The following OR10A6 variants were observed in gnomAD, a reference collection of about 807,000 sequenced individuals.
OR10A6 encodes olfactory receptor family 10 subfamily A member 6 (gene/pseudogene), also known as olfactory receptor 10A6.
Under a neutral mutation model 1.5 loss-of-function variants are expected in OR10A6, and 2 were observed. That is an observed-to-expected ratio of 1.31 (90% CI 0.54 to 4.13). The LOEUF is 4.13. Among genes scored for constraint, OR10A6 ranks in the 30% most tolerant of loss-of-function variants. The pLI, the probability that OR10A6 is intolerant of heterozygous loss-of-function variation, is 0.07. For synonymous variants in OR10A6, 169 were observed against 137.3 expected (o/e 1.23, Z -1.61); for missense variants, 492 against 368.6 (o/e 1.33, Z -2.74).
chr11:7,929,242 A>G lies in OR10A6; in HGVS notation c.-580T>C, dbSNP rs1027499700. Reference sequence around the variant, plus strand: ...AACATAGAGGGGATTTGAATTTTCAACACAACCATATTAGGTGACCTATAG... The same window carrying G: ...AACATAGAGGGGATTTGAATTTTCAGCACAACCATATTAGGTGACCTATAG... On this transcript the variant is annotated 5_prime_UTR_variant, in exon 4 of 4. Coordinates refer to ENST00000641238, the MANE Select transcript of OR10A6 (RefSeq NM_001004461.2). The G allele has an allele frequency of 1.3e-5, 2 of 152,168 alleles. No individual in the cohort carries two copies. Among genetic ancestry groups the G allele is most frequent in the Non-Finnish European group, 2.9e-5 (2 of 68,048 alleles). The allele number at this position is 152,168 out of a possible 1,614,324, so 9.4% of individuals were successfully genotyped here.
In OR10A6 at chr11:7,927,727, G is replaced by A; in HGVS notation, c.936C>T (p.His312=). The change falls in exon 4 of 4, where the codon CAC becomes CAT. Residue 312 remains histidine (H), a synonymous_variant. Transcript: ENST00000641238. Reference sequence around the variant, plus strand: ...TGGCTTCTCAACACAGTCAGATTGTGTGTAAAACCACTCGCCTTCGCCATA... The same window carrying A: ...TGGCTTCTCAACACAGTCAGATTGTATGTAAAACCACTCGCCTTCGCCATA... ...MKLWRRRVVL[H]TI 6.2e-7 allele frequency: 1 copy of A among 1,609,416 alleles called. No homozygotes were observed. The highest frequency in any genetic ancestry group is 2.2e-5 in the East Asian group (1 of 44,848).
At position 7,929,605 on chromosome 11, in the gene OR10A6, A is replaced by T. The variant is rs1215807709; in HGVS notation, c.-943T>A. On this transcript the variant is annotated 5_prime_UTR_variant, in exon 4 of 4. Coordinates refer to ENST00000641238, the MANE Select transcript of OR10A6 (RefSeq NM_001004461.2). ...TGAATCCAGAGCTCAACAGAGAGCT[A>T]AGCACACTACATAAAATAGCTTCTA... is the stretch of plus-strand genomic sequence containing the variant. 6.6e-6 allele frequency: 1 copy of T among 151,220 alleles called. No homozygotes were observed. The highest frequency in any genetic ancestry group is 2.4e-5 in the African/African-American group (1 of 41,132). The allele number at this position is 151,220 out of a possible 1,614,324, so 9.4% of individuals were successfully genotyped here. A position where few individuals can be genotyped will look rare whatever the true frequency, so the allele number is the denominator to read the frequency against.
rs941185747 is a variant in OR10A6 at position 7,926,564 on chromosome 11, T to C, written c.*1154A>G. On this transcript the variant is annotated 3_prime_UTR_variant, in exon 4 of 4. Transcript: ENST00000641238. ...GGAGTAGTGAAGAAAAGAAGGGTTTTCCATCCAATGAATGATTGTTTTGTA... is the reference window on the plus strand; with the variant it reads ...GGAGTAGTGAAGAAAAGAAGGGTTTCCCATCCAATGAATGATTGTTTTGTA... The C allele has an allele frequency of 5.9e-5, 9 of 152,178 alleles. No homozygotes were observed. Among genetic ancestry groups the C allele is most frequent in the Non-Finnish European group, 1.0e-4 (7 of 68,022 alleles). The allele number at this position is 152,178 out of a possible 1,614,324, so 9.4% of individuals were successfully genotyped here. A position where few individuals can be genotyped will look rare whatever the true frequency, so the allele number is the denominator to read the frequency against.
chr11:7,930,068 CA>C lies in OR10A6; in HGVS notation c.-1407del, dbSNP rs1230697197. ...TTCTTTGCTCTACACACACTGCCTA[CA>C]CTACAACCCTCCCTGGCTCATAATA... is the stretch of plus-strand genomic sequence containing the variant. On this transcript the variant is annotated 5_prime_UTR_variant, in exon 4 of 4. Coordinates refer to ENST00000641238, the MANE Select transcript of OR10A6 (RefSeq NM_001004461.2). The C allele has an allele frequency of 1.9e-3, 14 of 7,186 alleles. No individual in the cohort carries two copies. Among genetic ancestry groups the C allele is most frequent in the African/African-American group, 5.3e-3 (14 of 2,638 alleles). The allele number at this position is 7,186 out of a possible 1,614,324, so 0.4% of individuals were successfully genotyped here. A position where few individuals can be genotyped will look rare whatever the true frequency, so the allele number is the denominator to read the frequency against.
Position 7,928,173 on chromosome 11 carries a change from A to G in OR10A6, c.490T>C (p.Ser164Pro), listed in dbSNP as rs1479469916. Residue 164 changes from serine (S) to proline (P), a missense_variant, in exon 4 of 4, where the codon TCT (serine) becomes CCT (proline). Physicochemically the swap from Ser to Pro is moderately conservative, Grantham distance 74 (BLOSUM62 -1). Transcript: ENST00000641238. ...TTAAGGCCACAAAAGGGAAAACTAG[A>G]TACCCATGATGTTTGAACAGTACCT... is the stretch of plus-strand genomic sequence containing the variant. Reference protein sequence around the residue: ...MLGTVQTSWVSSFPFCGLNEI... With the variant: ...MLGTVQTSWVPSFPFCGLNEI... 1 of 1,613,696 alleles carries G rather than the reference A, an allele frequency of 6.2e-7. No individual in the cohort carries two copies. Among genetic ancestry groups the G allele is most frequent in the Middle Eastern group, 1.7e-4 (1 of 6,060 alleles).
rs267603210 is a variant in OR10A6, at chr11:7,927,964, C to G, written c.699G>C (p.Gly233=). 2.5e-6 allele frequency: 4 copies of G among 1,613,750 alleles called. No homozygotes were observed. In the African/African-American group the frequency reaches 5.3e-5, roughly 22 times the overall value. The change falls in exon 4 of 4, where the codon GGG becomes GGC. Residue 233 remains glycine, a synonymous_variant. Coordinates refer to ENST00000641238, the MANE Select transcript of OR10A6 (RefSeq NM_001004461.2). ...FAILKMPSTT[G]RQKAFSTCAA... ...CACAGGTGGAAAAGGCCTTTTGTCTCCCAGTGGTTGATGGCATCTTCAGGA... is the reference window on the plus strand; with the variant it reads ...CACAGGTGGAAAAGGCCTTTTGTCTGCCAGTGGTTGATGGCATCTTCAGGA...
chr11:7,927,857 T>G lies in OR10A6; in HGVS notation c.806A>C (p.Glu269Ala), dbSNP rs778524080. The G allele has an allele frequency of 9.3e-6, 15 of 1,613,876 alleles. No individual in the cohort carries two copies. In the Admixed American group the frequency reaches 1.3e-4, roughly 14 times the overall value. Reference protein sequence around the residue: ...YLQPKSGYSPETKKVMSLSYS... With the variant: ...YLQPKSGYSPATKKVMSLSYS... The stretch of plus-strand genomic sequence containing the variant: ...AGACAATGACATCACTTTCTTGGTT[T>G]CCGGTGAGTAGCCAGATTTGGGTTG... The change falls in exon 4 of 4, where the codon GAA (glutamate) becomes GCA (alanine). Residue 269 changes from glutamate to alanine, a missense_variant. Coordinates refer to ENST00000641238, the MANE Select transcript of OR10A6 (RefSeq NM_001004461.2).
rs749670272 is a variant in OR10A6 at position 7,928,494 on chromosome 11, C to A, written c.169G>T (p.Val57Phe). 1 of 1,613,712 alleles carries A rather than the reference C, an allele frequency of 6.2e-7. No homozygotes were observed. The highest frequency in any genetic ancestry group is 8.5e-7 in the Non-Finnish European group (1 of 1,179,862). Residue 57 changes from valine to phenylalanine, a missense_variant, in exon 4 of 4, where the codon GTT becomes TTT. Val to Phe is a conservative substitution (Grantham distance 50). Transcript: ENST00000641238. ...TTCAGGAGAAACAGGTACATGGGAA[C>A]GTGGAGGCTCTGGTCTAGGGAGACG... is the stretch of plus-strand genomic sequence containing the variant. The part of the protein sequence containing the change: ...VIVSLDQSLH[V>F]PMYLFLLNLS...
chr11:7,930,249 A>T lies in OR10A6; in HGVS notation c.-1587T>A, dbSNP rs1859511252. On this transcript the variant is annotated 5_prime_UTR_variant, in exon 4 of 4. It removes an upstream start codon present in the reference 5' UTR. Transcript: ENST00000641238. The stretch of plus-strand genomic sequence containing the variant: ...GAAATTTAAGTAAGGGAATGATGAC[A>T]TTTGAAGGGGGTGGAGGATGAACAA... 6.6e-6 allele frequency: 1 copy of T among 151,904 alleles called. No individual in the cohort carries two copies. Among genetic ancestry groups the T allele is most frequent in the African/African-American group, 2.4e-5 (1 of 41,360 alleles). 9.4% of individuals were successfully genotyped at this position (151,904 alleles called of 1,614,324 possible).
chr11:7,930,913 T>G (rs1859521614), intron 2 of OR10A6, 24 bp from the exon 3 acceptor site: 1 of 152,210 alleles, frequency 6.6e-6, no homozygotes, highest in South Asian at 2.1e-4. Flanking sequence ...GAGGTAAGTG[T>G]TGAACTTACT....
At position 7,927,466 on chromosome 11, in the gene OR10A6, C is replaced by G; in HGVS notation, c.*252G>C. On this transcript the variant is annotated 3_prime_UTR_variant, in exon 4 of 4. Coordinates refer to ENST00000641238, the MANE Select transcript of OR10A6 (RefSeq NM_001004461.2). ...ATTATCTATTGTGACAAAAAAATAA[C>G]CATCAGTAGGGCTACTACTAAACAA... is the stretch of plus-strand genomic sequence containing the variant. The G allele has an allele frequency of 2.7e-6, 1 of 368,566 alleles. No individual in the cohort carries two copies. The allele number at this position is 368,566 out of a possible 1,614,324, so 22.8% of individuals were successfully genotyped here.
Position 7,926,654 on chromosome 11 carries a change from A to T in OR10A6, c.*1064T>A, listed in dbSNP as rs1291746337. 6.6e-6 allele frequency: 1 copy of T among 151,912 alleles called. No homozygotes were observed. Among genetic ancestry groups the T allele is most frequent in the Non-Finnish European group, 1.5e-5 (1 of 67,972 alleles). 9.4% of individuals were successfully genotyped at this position (151,912 alleles called of 1,614,324 possible). A position where few individuals can be genotyped will look rare whatever the true frequency, so the allele number is the denominator to read the frequency against. Reference sequence around the variant, plus strand: ...AGAGCAGAAATGAAGGGTGTTGTCAACTCCTTTGATATAGATTTAATGAGA... The same window carrying T: ...AGAGCAGAAATGAAGGGTGTTGTCATCTCCTTTGATATAGATTTAATGAGA... On this transcript the variant is annotated 3_prime_UTR_variant, in exon 4 of 4. Coordinates refer to ENST00000641238, the MANE Select transcript of OR10A6 (RefSeq NM_001004461.2).
Position 7,930,998 on chromosome 11 carries a change from T to C in OR10A6, c.-1894A>G, listed in dbSNP as rs1859522922. 1 of 152,162 alleles carries C rather than the reference T, an allele frequency of 6.6e-6. No homozygotes were observed. Among genetic ancestry groups the C allele is most frequent in the African/African-American group, 2.4e-5 (1 of 41,452 alleles). 9.4% of individuals were successfully genotyped at this position (152,162 alleles called of 1,614,324 possible). On this transcript the variant is annotated 5_prime_UTR_variant, in exon 2 of 4. Transcript: ENST00000641238. ...TGCAAAGCACTTACACTTCTACTTA[T>C]TGCCCGAACCTTTCTCTGAAAAGAA...
At position 7,929,750 on chromosome 11, in the gene OR10A6, A is replaced by ATG. The variant is rs1859491193; in HGVS notation, c.-1089_-1088insCA. 1.5e-5 allele frequency: 2 copies of ATG among 129,604 alleles called. No individual in the cohort carries two copies. Among genetic ancestry groups the ATG allele is most frequent in the Non-Finnish European group, 3.3e-5 (2 of 59,954 alleles). The allele number at this position is 129,604 out of a possible 1,614,324, so 8.0% of individuals were successfully genotyped here. ...TATATATATATATATATATATATAT[A>ATG]TATATACACACACATGCACACATAT... On this transcript the variant is annotated 5_prime_UTR_variant, in exon 4 of 4. The change abolishes the stop of an existing upstream ORF in the 5' untranslated region. Coordinates refer to ENST00000641238, the MANE Select transcript of OR10A6 (RefSeq NM_001004461.2).
chr11:7,929,966 G>GTATATATATGTATATATATGTATA lies in OR10A6; in HGVS notation c.-1305_-1304insTATACATATATATACATATATATA, dbSNP rs58402229. ...TCTAGTAAGGTATGTGTATGTGTAT[G>GTATATATATGTATATATATGTATA]TATATATATATATATATATATATAT... On this transcript the variant is annotated 5_prime_UTR_variant, in exon 4 of 4. Transcript: ENST00000641238. 1 of 57,262 alleles carries GTATATATATGTATATATATGTATA rather than the reference G, an allele frequency of 1.7e-5. No individual in the cohort carries two copies. The highest frequency in any genetic ancestry group is 7.0e-5 in the African/African-American group (1 of 14,226). 3.5% of individuals were successfully genotyped at this position (57,262 alleles called of 1,614,324 possible).
rs1859495419 is a variant in OR10A6, at chr11:7,929,849, CCTT to C, written c.-1190_-1188del. 7.2e-6 allele frequency: 1 copy of C among 138,136 alleles called. No homozygotes were observed. Among genetic ancestry groups the C allele is most frequent in the Admixed American group, 7.5e-5 (1 of 13,336 alleles). 8.6% of individuals were successfully genotyped at this position (138,136 alleles called of 1,614,324 possible). ...GCATAGAATATAATATATCCTCTAT[CCTT>C]TTTTTAAGAAATATGTGTAAAATAT... On this transcript the variant is annotated 5_prime_UTR_variant, in exon 4 of 4. Transcript: ENST00000641238.
intron 1 of OR10A6, 55 bp downstream of exon 1, chr11:7,931,142 A>G (rs1859526659): frequency 6.6e-6 from 1 of 152,206 alleles, no homozygotes; most frequent in Non-Finnish European, 1.5e-5. Flanking sequence ...AAAGAGGACA[A>G]CTATAAACAG....
rs1173931431 is a variant in OR10A6 at position 7,928,525 on chromosome 11, T to G, written c.138A>C (p.Ile46=). 6.2e-7 allele frequency: 1 copy of G among 1,613,648 alleles called. No homozygotes were observed. Among genetic ancestry groups the G allele is most frequent in the Non-Finnish European group, 8.5e-7 (1 of 1,179,800 alleles). Residue 46 remains isoleucine (I), a synonymous_variant, in exon 4 of 4, where the codon ATA becomes ATC. Transcript: ENST00000641238. ...GGCTCTGGTCTAGGGAGACGATGAC[T>G]ATAATAATGGCATTTCCTATCAGGG... The part of the protein sequence containing the change: ...LVTLIGNAII[I]VIVSLDQSLH...
chr11:7,928,722 A>C lies in OR10A6; in HGVS notation c.-60T>G, dbSNP rs542247452. 1.4e-4 allele frequency: 170 copies of C among 1,254,306 alleles called. No homozygotes were observed. Among genetic ancestry groups the C allele is most frequent in the Non-Finnish European group, 1.8e-4 (162 of 918,264 alleles). The allele number at this position is 1,254,306 out of a possible 1,614,324, so 77.7% of individuals were successfully genotyped here. A position where few individuals can be genotyped will look rare whatever the true frequency, so the allele number is the denominator to read the frequency against. On this transcript the variant is annotated 5_prime_UTR_variant, in exon 4 of 4. Transcript: ENST00000641238. Reference sequence around the variant, plus strand: ...CATAGTATATACAGAATAAAGCCACAGTCCATTAGCTAAGAGTTCCAGTCT... The same window carrying C: ...CATAGTATATACAGAATAAAGCCACCGTCCATTAGCTAAGAGTTCCAGTCT...
Sources: gnomAD v4.1 joint callset for allele counts on GRCh38, gnomAD v4.1.1 for gene constraint, MANE v1.5 for transcripts, NCBI Gene and HGNC (gene_info 2026-07-23, HGNC 2026-07-21) for gene names.